ANK3: variants seen among roughly 807,000 people sequenced by gnomAD.
ANK3 encodes ankyrin-3.
ANK3 carries 57 observed loss-of-function variants against 370.9 expected under a neutral mutation model. The ratio of observed to expected loss-of-function variants is 0.15; its 90% CI spans 0.12 to 0.19. ANK3 has a LOEUF of 0.19. ANK3 is among the 10% of genes least tolerant of loss of function. The pLI is 1.00. For missense variants in ANK3, 4,439 were observed against 5,302.1 expected, an observed-to-expected ratio of 0.84 and a Z score of 5.06; for synonymous variants, 1,929 against 1,946.3, an observed-to-expected ratio of 0.99 and a Z score of 0.23.
In ANK3 at chr10:60,138,985, C is replaced by G; in HGVS notation, c.2717G>C (p.Ser906Thr). ...GTACCTGGCAGAACGCGCTCCGAGACTAAAGCCCATGTAACCCTCTGCAGG... is the reference window on the plus strand; with the variant it reads ...GTACCTGGCAGAACGCGCTCCGAGAGTAAAGCCCATGTAACCCTCTGCAGG... ...SLPAEGYMGF[S>T]LGARSASLRS... The change falls in exon 24 of 44, where the codon AGT becomes ACT. Residue 906 changes from serine (S) to threonine (T), a missense_variant. Ser to Thr is a moderately conservative substitution (Grantham distance 58, BLOSUM62 1). This residue lies in a region of ANK3 where 702 missense variants were observed against 941.5 expected (regional missense o/e 0.75). Coordinates refer to ENST00000280772, the MANE Select transcript of ANK3 (RefSeq NM_020987.5). The G allele has an allele frequency of 1.2e-6, 2 of 1,613,900 alleles. No homozygotes were observed. Among genetic ancestry groups the G allele is most frequent in the Non-Finnish European group, 1.7e-6 (2 of 1,179,912 alleles).
At chr10:60,591,303 TTTTA>T (rs79060296) in intron 2 of ANK3, among the ~76,000 whole-genome samples, 5,238 of 137,512 alleles carry the variant, frequency 0.038, 129 homozygotes, top group East Asian at 0.07. Context: ...TTTATTTTTA[TTTTA>T]TTTATTTATT....
Position 60,475,357 on chromosome 10 carries a change from A to G in ANK3, c.96+139829T>C, listed in dbSNP as rs548084227. On this transcript the variant is annotated intron_variant, in intron 2 of 43. Transcript: ENST00000373827. ...TTGAAAATGATTATACTGTAACTAT[A>G]GTTACTGATCATAGACAAGTGTTGC... Among the ~76,000 whole-genome samples, 262 of 152,298 alleles carry G rather than the reference A, an allele frequency of 1.7e-3. 1 individual carries two copies. Among genetic ancestry groups the G allele is most frequent in the African/African-American group, 6.0e-3 (250 of 41,576 alleles).
chr10:60,302,586 A>C (rs2044061602), intron 1 of ANK3, among the ~76,000 whole-genome samples: 1 of 152,222 alleles, frequency 6.6e-6, no homozygotes, highest in South Asian at 2.1e-4. Flanking sequence ...AGAACTTGCC[A>C]AGGTCAGCAA....
chr10:60,221,369 C>T (rs1440373822), intron 8 of ANK3, among the ~76,000 whole-genome samples: 2 of 152,094 alleles, frequency 1.3e-5, no homozygotes, highest in East Asian at 3.9e-4. Context: ...CGTGAGCCAT[C>T]GTGCCTGGCC....
At chr10:60,127,408 G>T (rs1441620488) in intron 25 of ANK3, among the ~76,000 whole-genome samples, 1 of 152,138 alleles carries the variant, frequency 6.6e-6, no homozygotes. Context: ...AAAGCCAAAT[G>T]GGTGTATGCA....
At chr10:60,417,639 G>T (rs1262500097) in intron 2 of ANK3, among the ~76,000 whole-genome samples, 2 of 152,186 alleles carry the variant, frequency 1.3e-5, no homozygotes, top group Non-Finnish European at 2.9e-5. Flanking sequence ...ATGAAAATCT[G>T]CAGGAATTGC....
chr10:60,410,325 T>C (rs1454601383), intron 2 of ANK3, among the ~76,000 whole-genome samples: 1 of 152,016 alleles, frequency 6.6e-6, no homozygotes, highest in African/African-American at 2.4e-5. Context: ...CAACTTTACA[T>C]GCTTTTTGTG....
chr10:60,096,576 A>G (rs1470553165), intron 28 of ANK3, among the ~76,000 whole-genome samples: 4 of 152,210 alleles, frequency 2.6e-5, no homozygotes, highest in Admixed American at 2.6e-4. Context: ...GCAGACCTGG[A>G]GTGAAACCTA....
chr10:60,347,896 C>A (rs1441965022), intron 1 of ANK3, among the ~76,000 whole-genome samples: 1 of 152,092 alleles, frequency 6.6e-6, no homozygotes, highest in Non-Finnish European at 1.5e-5. Flanking sequence ...GCCTTAAACT[C>A]TCAATAAAGT....
At chr10:60,704,715 A>C (rs1442553) in intron 1 of ANK3, among the ~76,000 whole-genome samples, 22,368 of 152,162 alleles carry the variant, frequency 0.15, 2,082 homozygotes, top group South Asian at 0.26. Context: ...TTAATGTTCT[A>C]CTCAGATTTC....
chr10:60,440,178 T>C (rs2064264270), intron 2 of ANK3, among the ~76,000 whole-genome samples: 1 of 152,064 alleles, frequency 6.6e-6, no homozygotes, highest in African/African-American at 2.4e-5. Context: ...TTCACCTCCT[T>C]GCCCTTGACT....
intron 2 of ANK3, among the ~76,000 whole-genome samples, chr10:60,534,208 T>C (rs2076671856): frequency 6.6e-6 from 1 of 152,144 alleles, no homozygotes; most frequent in South Asian, 2.1e-4. Flanking sequence ...TAGCACATAA[T>C]TTCCTTCCTA....
rs191382767 is a variant in ANK3, at chr10:60,069,384, C to T, written c.11497G>A (p.Gly3833Arg). 199 of 1,613,822 alleles carry T rather than the reference C, an allele frequency of 1.2e-4. 1 individual carries two copies. The East Asian group carries it at 3.5e-3, about 28-fold the overall frequency. The change falls in exon 37 of 44, where the codon GGG becomes AGG. Residue 3833 changes from glycine (G) to arginine (R), a missense_variant. Gly to Arg is a moderately radical substitution (Grantham distance 125). Around this residue, in one of 13 missense-constraint regions of ANK3, gnomAD observed 496 missense variants for 529.3 expected, o/e 0.94. Transcript: ENST00000280772. ...CTTACACAGTGTCCTTGTAGTACCC[C>T]TGTCTTTTTTCCTGATGAGACTTTC... ...PVKVSSGKKT[G>R]VLQGHCVRDK...
chr10:60,484,501 G>A (rs923083742), intron 2 of ANK3, among the ~76,000 whole-genome samples: 4 of 152,062 alleles, frequency 2.6e-5, no homozygotes, highest in African/African-American at 9.7e-5. Flanking sequence ...GCAATGAGTT[G>A]GTCATTAAGC....
chr10:60,542,692 G>T (rs909512718), intron 2 of ANK3, among the ~76,000 whole-genome samples: 4 of 151,872 alleles, frequency 2.6e-5, no homozygotes, highest in African/African-American at 4.8e-5. Context: ...AAAATAATTA[G>T]ATAATCAGAG....
In ANK3 at chr10:60,073,269, T is replaced by G. The variant is rs1444899871; in HGVS notation, c.7612A>C (p.Lys2538Gln). 1.9e-6 allele frequency: 3 copies of G among 1,614,164 alleles called. No individual in the cohort carries two copies. Among genetic ancestry groups the G allele is most frequent in the Non-Finnish European group, 2.5e-6 (3 of 1,180,024 alleles). ...GKVSKDEHFD[K>Q]VTVLHYSGNV... is the part of the protein sequence containing the mutation. ...CCAGAATAGTGCAACACTGTCACTTTATCAAAATGCTCATCTTTAGACACT... is the reference window on the plus strand; with the variant it reads ...CCAGAATAGTGCAACACTGTCACTTGATCAAAATGCTCATCTTTAGACACT... Residue 2538 changes from lysine to glutamine, a missense_variant, in exon 37 of 44, where the codon AAA becomes CAA. Physicochemically the swap from Lys to Gln is moderately conservative, Grantham distance 53. This residue lies in a region of ANK3 where 1,601 missense variants were observed against 1,731.7 expected (regional missense o/e 0.92). Coordinates refer to ENST00000280772, the MANE Select transcript of ANK3 (RefSeq NM_020987.5).
chr10:60,419,342 C>T (rs1470970812), intron 2 of ANK3, among the ~76,000 whole-genome samples: 3 of 152,208 alleles, frequency 2.0e-5, no homozygotes, highest in South Asian at 4.1e-4. Context: ...ATCTCAGAGG[C>T]CCCTGCTCCT....
chr10:60,553,536 T>C (rs1412656671), intron 2 of ANK3, among the ~76,000 whole-genome samples: 2 of 152,296 alleles, frequency 1.3e-5, no homozygotes, highest in African/African-American at 2.4e-5. Context: ...CCTGAGCTGC[T>C]CAGGTGTTAT....
chr10:60,352,427 C>T (rs755839972), intron 1 of ANK3, among the ~76,000 whole-genome samples: 18 of 152,174 alleles, frequency 1.2e-4, no homozygotes, highest in South Asian at 4.1e-4. Flanking sequence ...GTCCTGAACA[C>T]GCTATGGGAC....
Sources: gnomAD v4.1 joint callset for allele counts (sites outside exome capture counted in the v4.1 genomes callset) on GRCh38, gnomAD v4.1.1 for gene constraint, gnomAD v4.1.1 regional missense constraint, MANE v1.5 for transcripts, NCBI Gene and HGNC (gene_info 2026-07-23, HGNC 2026-07-21) for gene names.